Variants in SPON1 observed in about 807,000 individuals in gnomAD.
SPON1 encodes the protein spondin-1.
In SPON1, 52 loss-of-function variants were observed where a neutral mutation model predicts 111.7. That is an observed-to-expected ratio of 0.47 (90% CI 0.37 to 0.59). SPON1 has a LOEUF of 0.59. SPON1 is among the 20% of genes least tolerant of loss of function. The probability of loss-of-function intolerance (pLI) is 0.00; values close to 1 mark genes in which losing one functional copy is unlikely to be tolerated. For missense variants in SPON1, 957 were observed against 1,068.5 expected (o/e 0.90, Z 1.46); for synonymous variants, 410 against 395.8 (o/e 1.04, Z -0.43).
chr11:14,144,156 C>G (rs547645632), intron 6 of SPON1, among the ~76,000 whole-genome samples: 3 of 152,072 alleles, frequency 2.0e-5, no homozygotes, highest in African/African-American at 7.2e-5. Flanking sequence ...CTCATTATTA[C>G]TCTTATTATT....
intron 6 of SPON1, among the ~76,000 whole-genome samples, chr11:14,173,072 A>G (rs1388941749): frequency 6.6e-6 from 1 of 151,894 alleles, no homozygotes; most frequent in Non-Finnish European, 1.5e-5. Context: ...CTCCTGGATA[A>G]TATCCTGCAG....
intron 6 of SPON1, among the ~76,000 whole-genome samples, chr11:14,192,246 G>GATATATATATATATATAT: frequency 6.9e-6 from 1 of 144,282 alleles, no homozygotes; most frequent in African/African-American, 2.5e-5. Context: ...TATCATTAGG[G>GATATATATATATATATAT]ATATATATAT....
At chr11:14,173,525 G>A (rs139209603) in intron 6 of SPON1, among the ~76,000 whole-genome samples, 7,687 of 152,180 alleles carry the variant, frequency 0.051, 285 homozygotes, top group Middle Eastern at 0.075. Flanking sequence ...GCTTTGTTCC[G>A]TTGCTGATGA....
rs372295949 is a variant in SPON1 at position 14,262,719 on chromosome 11, C to T, written c.2004C>T (p.Asp668=). Residue 668 remains aspartate (D), a synonymous_variant, in exon 15 of 16, where the codon GAC becomes GAT. Coordinates refer to ENST00000576479, the MANE Select transcript of SPON1 (RefSeq NM_006108.4). ...EKCMLPECPI[D]CELTEWSQWS... ...CCATCTGTGTCTTGCCAGCCATTGACTGTGAGCTCACCGAGTGGTCCCAGT... is the reference window on the plus strand; with the variant it reads ...CCATCTGTGTCTTGCCAGCCATTGATTGTGAGCTCACCGAGTGGTCCCAGT... 2.4e-5 allele frequency: 39 copies of T among 1,613,906 alleles called. 1 individual carries two copies. Among genetic ancestry groups the T allele is most frequent in the South Asian group, 2.3e-4 (21 of 91,058 alleles).
At chr11:14,105,347 G>A (rs1849176569) in intron 5 of SPON1, among the ~76,000 whole-genome samples, 1 of 151,990 alleles carries the variant, frequency 6.6e-6, no homozygotes. Flanking sequence ...ATGCTCTGCA[G>A]ATTTTTTCCT....
Position 14,152,358 on chromosome 11 carries a change from C to T in SPON1, c.825+16790C>T, listed in dbSNP as rs568140221. Among the ~76,000 whole-genome samples, 44 of 152,284 alleles carry T rather than the reference C, an allele frequency of 2.9e-4. 1 individual carries two copies. Among genetic ancestry groups the T allele is most frequent in the African/African-American group, 9.9e-4 (41 of 41,548 alleles). ...TCTTAATTTATCTTCTATTCAAAGG[C>T]AAAACTACTGCTTCATTAATCAATG... On this transcript the variant is annotated intron_variant, in intron 6 of 15. Transcript: ENST00000576479.
rs1272359413 is a variant in SPON1, at chr11:13,962,790, C to G, written c.-115C>G. 9.9e-7 allele frequency: 1 copy of G among 1,009,084 alleles called. No homozygotes were observed. Among genetic ancestry groups the G allele is most frequent in the Non-Finnish European group, 1.4e-6 (1 of 735,652 alleles). 62.5% of individuals were successfully genotyped at this position (1,009,084 alleles called of 1,614,324 possible). Reference sequence around the variant, plus strand: ...GTCTCCGAGTCGCGGACGCCAGCTCCGAGCTCCCTCTCTCCGCCGCGCCTC... The same window carrying G: ...GTCTCCGAGTCGCGGACGCCAGCTCGGAGCTCCCTCTCTCCGCCGCGCCTC... On this transcript the variant is annotated 5_prime_UTR_variant, in exon 1 of 16. Transcript: ENST00000576479.
intron 3 of SPON1, among the ~76,000 whole-genome samples, chr11:14,063,594 G>A (rs149274961): frequency 9.8e-4 from 149 of 152,278 alleles, no homozygotes; most frequent in African/African-American, 3.4e-3. Flanking sequence ...TGTGGCTTAC[G>A]TCTGATGAGC....
rs782171440 is a variant in SPON1 at position 13,984,357 on chromosome 11, G to T, written c.345+1404G>T. 3.7e-4 allele frequency among the ~76,000 whole-genome samples: 57 copies of T among 152,080 alleles called. 2 individuals are homozygous for T. The highest frequency in any genetic ancestry group is 1.9e-4 in the Non-Finnish European group (13 of 68,014). Reference sequence around the variant, plus strand: ...TTCTCTAACAAAACACCTGACACTAGATAATGTATAAACAATAGAAGTTTA... The same window carrying T: ...TTCTCTAACAAAACACCTGACACTATATAATGTATAAACAATAGAAGTTTA... On this transcript the variant is annotated intron_variant, in intron 2 of 15. Coordinates refer to ENST00000576479, the MANE Select transcript of SPON1 (RefSeq NM_006108.4).
At chr11:14,005,464 C>T (rs1244132785) in intron 2 of SPON1, among the ~76,000 whole-genome samples, 1 of 152,170 alleles carries the variant, frequency 6.6e-6, no homozygotes, top group Non-Finnish European at 1.5e-5. Context: ...GCTTTGAGTA[C>T]CATCTGCGTG....
intron 2 of SPON1, among the ~76,000 whole-genome samples, chr11:14,036,473 G>A (rs1848594977): frequency 6.6e-6 from 1 of 152,280 alleles, no homozygotes; most frequent in African/African-American, 2.4e-5. Context: ...CACAATTGGA[G>A]TAGGACCAGG....
intron 2 of SPON1, among the ~76,000 whole-genome samples, chr11:14,033,762 A>G (rs1433453868): frequency 6.6e-6 from 1 of 152,210 alleles, no homozygotes; most frequent in Non-Finnish European, 1.5e-5. Context: ...TTGCTTTAAC[A>G]ATAGACTGAC....
intron 2 of SPON1, among the ~76,000 whole-genome samples, chr11:14,012,651 A>G (rs1848414782): frequency 6.6e-6 from 1 of 151,886 alleles, no homozygotes; most frequent in Non-Finnish European, 1.5e-5. Flanking sequence ...CTGTGAAGCC[A>G]CTCCTGTTCC....
intron 1 of SPON1, among the ~76,000 whole-genome samples, chr11:13,965,850 G>A (rs1457528087): frequency 6.6e-6 from 1 of 152,192 alleles, no homozygotes; most frequent in East Asian, 1.9e-4. Context: ...TTAAGGCTGT[G>A]AAGCTGGCAT....
chr11:13,979,165 C>T (rs188718607), intron 1 of SPON1, among the ~76,000 whole-genome samples: 1 of 152,282 alleles, frequency 6.6e-6, no homozygotes. Flanking sequence ...TTCCATGCCT[C>T]TCGCCTGGCT....
intron 7 of SPON1, among the ~76,000 whole-genome samples, chr11:14,253,927 G>A (rs1344653964): frequency 6.6e-6 from 1 of 152,206 alleles, no homozygotes; most frequent in Non-Finnish European, 1.5e-5. Context: ...TATCTCACAT[G>A]GTCCCAGCCA....
intron 5 of SPON1, among the ~76,000 whole-genome samples, chr11:14,082,169 G>T (rs1848967387): frequency 1.5e-5 from 2 of 137,472 alleles, no homozygotes; most frequent in Admixed American, 7.7e-5. Context: ...TCATTTCCCA[G>T]AATTTAGGGA....
intron 5 of SPON1, among the ~76,000 whole-genome samples, chr11:14,113,568 A>ATTTTTTTTTT (rs782780924): frequency 2.1e-4 from 16 of 74,736 alleles, no homozygotes; most frequent in Non-Finnish European, 3.7e-4. Flanking sequence ...TACTTTTTAA[A>ATTTTTTTTTT]TTTTTTTTTT....
intron 14 of SPON1, among the ~76,000 whole-genome samples, chr11:14,261,777 GAGA>G (rs1305540209): frequency 1.3e-5 from 2 of 152,102 alleles, no homozygotes; most frequent in Admixed American, 6.5e-5. Context: ...TGAAGTAAGG[GAGA>G]AGAAAATGAA....
Sources: gnomAD v4.1 joint callset for allele counts (sites outside exome capture counted in the v4.1 genomes callset) on GRCh38, gnomAD v4.1.1 for gene constraint, MANE v1.5 for transcripts, NCBI Gene and HGNC (gene_info 2026-07-23, HGNC 2026-07-21) for gene names.